Variants in MLF2 observed in about 807,000 individuals in gnomAD.
MLF2 encodes myeloid leukemia factor 2.
MLF2 carries 12 observed loss-of-function variants against 31.4 expected under a neutral mutation model. The observed-to-expected ratio is 0.38, with a 90% CI of 0.24 to 0.62. The LOEUF (loss-of-function observed/expected upper bound fraction) is 0.62, where lower values mean the gene tolerates loss of function less well. Ranked by LOEUF, MLF2 falls within the 20% of genes least tolerant of loss-of-function variation. MLF2 has a pLI of 0.58. For missense variants in MLF2, 272 were observed against 359.7 expected (o/e 0.76, Z 1.97); for synonymous variants, 109 against 118.8 (o/e 0.92, Z 0.54).
Position 6,749,821 on chromosome 12 carries a change from A to T in MLF2, c.559+27T>A. 1.9e-6 allele frequency: 3 copies of T among 1,612,182 alleles called. No individual in the cohort carries two copies. The highest frequency in any genetic ancestry group is 1.7e-6 in the Non-Finnish European group (2 of 1,179,236). Reference sequence around the variant, plus strand: ...CACGGGAACCGGGTTAGGGGCTGCCAGCCAGGAAGCGGGAGGGAAGGCTCA... The same window carrying T: ...CACGGGAACCGGGTTAGGGGCTGCCTGCCAGGAAGCGGGAGGGAAGGCTCA... On this transcript the variant is annotated intron_variant, in intron 7 of 8. Coordinates refer to ENST00000203630, the MANE Select transcript of MLF2 (RefSeq NM_001382226.1). The surrounding 1 kb of genome is among the most constrained non-coding windows in gnomAD (Gnocchi z 5.3).
Position 6,750,641 on chromosome 12 carries a change from C to T in MLF2, c.270+72G>A, listed in dbSNP as rs1592484370. 3.3e-6 allele frequency: 5 copies of T among 1,495,760 alleles called. No homozygotes were observed. Among genetic ancestry groups the T allele is most frequent in the East Asian group, 2.3e-5 (1 of 44,332 alleles). 92.7% of individuals were successfully genotyped at this position (1,495,760 alleles called of 1,614,324 possible). A position where few individuals can be genotyped will look rare whatever the true frequency, so the allele number is the denominator to read the frequency against. On this transcript the variant is annotated intron_variant, in intron 5 of 8. Coordinates refer to ENST00000203630, the MANE Select transcript of MLF2 (RefSeq NM_001382226.1). This position sits in a 1 kb window ranked among gnomAD's most constrained non-coding sequence, Gnocchi z 5.3. ...TCACTAGCATACTGTTTCCCTCTTGCCTTAGAGGATGCAAGGTGTTGTCAG... is the reference window on the plus strand; with the variant it reads ...TCACTAGCATACTGTTTCCCTCTTGTCTTAGAGGATGCAAGGTGTTGTCAG...
rs750197073 is a variant in MLF2 at position 6,749,723 on chromosome 12, C to CA, written c.559+124dup. On this transcript the variant is annotated intron_variant, in intron 7 of 8. Transcript: ENST00000203630. This position sits in a 1 kb window ranked among gnomAD's most constrained non-coding sequence, Gnocchi z 5.3. ...GGGCAACAAGAGCGAGACTCCATCT[C>CA]AAAAAAAAAAAAAAAGGAATATGGG... is the stretch of plus-strand genomic sequence containing the variant. 0.078 allele frequency: 82,653 copies of CA among 1,062,776 alleles called. 11 individuals are homozygous for CA. Among genetic ancestry groups the CA allele is most frequent in the Middle Eastern group, 0.091 (269 of 2,958 alleles). 65.8% of individuals were successfully genotyped at this position (1,062,776 alleles called of 1,614,324 possible).
In MLF2 at chr12:6,752,496, C is replaced by T. The variant is rs1050218242; in HGVS notation, c.-28-134G>A. Reference sequence around the variant, plus strand: ...CCTAAACTCCAGGGAGACCCTACTCCAGGTGTTCCACACAACCCTCTAGGG... The same window carrying T: ...CCTAAACTCCAGGGAGACCCTACTCTAGGTGTTCCACACAACCCTCTAGGG... On this transcript the variant is annotated intron_variant, in intron 1 of 8. Transcript: ENST00000203630. The surrounding 1 kb of genome is among the most constrained non-coding windows in gnomAD (Gnocchi z 4.6). 6 of 689,828 alleles carry T rather than the reference C, an allele frequency of 8.7e-6. No individual in the cohort carries two copies. Among genetic ancestry groups the T allele is most frequent in the Non-Finnish European group, 1.5e-5 (6 of 412,058 alleles). 42.7% of individuals were successfully genotyped at this position (689,828 alleles called of 1,614,324 possible). A position where few individuals can be genotyped will look rare whatever the true frequency, so the allele number is the denominator to read the frequency against.
In MLF2 at chr12:6,750,836, A is replaced by C; in HGVS notation, c.217-70T>G. 1 of 1,300,390 alleles carries C rather than the reference A, an allele frequency of 7.7e-7. No homozygotes were observed. Among genetic ancestry groups the C allele is most frequent in the Non-Finnish European group, 1.1e-6 (1 of 898,912 alleles). The allele number at this position is 1,300,390 out of a possible 1,614,324, so 80.6% of individuals were successfully genotyped here. On this transcript the variant is annotated intron_variant, in intron 4 of 8. Transcript: ENST00000203630. The surrounding 1 kb of genome is among the most constrained non-coding windows in gnomAD (Gnocchi z 5.3). ...TGTTCAGAGTTGATCCTGTTTAGGA[A>C]CCCACAACCCACATGGCTGCACATT...
rs1421375913 is a variant in MLF2 at position 6,749,297 on chromosome 12, C to A, written c.560-315G>T. Among the ~76,000 whole-genome samples the A allele has an allele frequency of 6.7e-6, 1 of 149,280 alleles. No homozygotes were observed. The highest frequency in any genetic ancestry group is 2.1e-4 in the South Asian group (1 of 4,808). On this transcript the variant is annotated intron_variant, in intron 7 of 8. Transcript: ENST00000203630. The surrounding 1 kb of genome is among the most constrained non-coding windows in gnomAD (Gnocchi z 5.3). Reference sequence around the variant, plus strand: ...ATAAAGAGGGGAGAAAGAAACGGATCAAGGTGGAGAAGGGTGTAACACTAT... The same window carrying A: ...ATAAAGAGGGGAGAAAGAAACGGATAAAGGTGGAGAAGGGTGTAACACTAT...
chr12:6,750,518 C>T lies in MLF2; in HGVS notation c.270+195G>A, dbSNP rs769308044. 72 of 881,070 alleles carry T rather than the reference C, an allele frequency of 8.2e-5. No homozygotes were observed. The highest frequency in any genetic ancestry group is 1.1e-4 in the Non-Finnish European group (66 of 575,282). The allele number at this position is 881,070 out of a possible 1,614,324, so 54.6% of individuals were successfully genotyped here. ...GAGACAGGGCCTTAATTGTATGCTACGTAAGAGAGCTGCTGCCGGCTGCTT... is the reference window on the plus strand; with the variant it reads ...GAGACAGGGCCTTAATTGTATGCTATGTAAGAGAGCTGCTGCCGGCTGCTT... On this transcript the variant is annotated intron_variant, in intron 5 of 8. Coordinates refer to ENST00000203630, the MANE Select transcript of MLF2 (RefSeq NM_001382226.1). This position sits in a 1 kb window ranked among gnomAD's most constrained non-coding sequence, Gnocchi z 5.3.
chr12:6,748,691 C>T lies in MLF2; in HGVS notation c.*25+79G>A, dbSNP rs1381250817. On this transcript the variant is annotated intron_variant, in intron 8 of 8. Coordinates refer to ENST00000203630, the MANE Select transcript of MLF2 (RefSeq NM_001382226.1). This position sits in a 1 kb window ranked among gnomAD's most constrained non-coding sequence, Gnocchi z 4.6. ...CTTGTACTACCAAAGGCAGCTCCTG[C>T]GGGAGCCTGAACTGAGCCTGCCTTG... 17 of 1,121,598 alleles carry T rather than the reference C, an allele frequency of 1.5e-5. No individual in the cohort carries two copies. Among genetic ancestry groups the T allele is most frequent in the Non-Finnish European group, 2.0e-5 (16 of 809,152 alleles). The allele number at this position is 1,121,598 out of a possible 1,614,324, so 69.5% of individuals were successfully genotyped here.
chr12:6,752,198 A>G lies in MLF2; in HGVS notation c.50+87T>C. 1 of 1,538,392 alleles carries G rather than the reference A, an allele frequency of 6.5e-7. No homozygotes were observed. Among genetic ancestry groups the G allele is most frequent in the South Asian group, 1.2e-5 (1 of 85,040 alleles). ...GGAGCTAGGTATCCAGCCAGTTCCA[A>G]CCATTCCTAGCAATGGGAACCCCGA... On this transcript the variant is annotated intron_variant, in intron 2 of 8. Coordinates refer to ENST00000203630, the MANE Select transcript of MLF2 (RefSeq NM_001382226.1). The surrounding 1 kb of genome is among the most constrained non-coding windows in gnomAD (Gnocchi z 4.6).
Position 6,753,070 on chromosome 12 carries a change from C to A in MLF2, c.-160G>T. 1 of 387,172 alleles carries A rather than the reference C, an allele frequency of 2.6e-6. No homozygotes were observed. Among genetic ancestry groups the A allele is most frequent in the Non-Finnish European group, 4.6e-6 (1 of 219,242 alleles). The allele number at this position is 387,172 out of a possible 1,614,324, so 24.0% of individuals were successfully genotyped here. A position where few individuals can be genotyped will look rare whatever the true frequency, so the allele number is the denominator to read the frequency against. ...TCCTCGGCCTTCCACGCCGCCTCCT[C>A]CCACAGCTGCCACCTCCGTACGGCC... On this transcript the variant is annotated 5_prime_UTR_variant, in exon 1 of 9. Coordinates refer to ENST00000203630, the MANE Select transcript of MLF2 (RefSeq NM_001382226.1).
At chr12:6,751,863 A>C (rs1941619907) in intron 3 of MLF2, 62 bp downstream of exon 3, 5 of 1,603,196 alleles carry the variant, frequency 3.1e-6, no homozygotes, top group Admixed American at 3.4e-5. Context: ...AAGAAAATTA[A>C]GTGCTTTCCT....
rs1941583309 is a variant in MLF2 at position 6,749,749 on chromosome 12, G to T, written c.559+99C>A. 9 of 1,465,798 alleles carry T rather than the reference G, an allele frequency of 6.1e-6. No individual in the cohort carries two copies. The highest frequency in any genetic ancestry group is 8.4e-6 in the Non-Finnish European group (9 of 1,074,268). 90.8% of individuals were successfully genotyped at this position (1,465,798 alleles called of 1,614,324 possible). ...AAAAAAAAAAAAAAAGGAATATGGGGCTGACCCAGAGCTTTGCCCCAGAAG... is the reference window on the plus strand; with the variant it reads ...AAAAAAAAAAAAAAAGGAATATGGGTCTGACCCAGAGCTTTGCCCCAGAAG... On this transcript the variant is annotated intron_variant, in intron 7 of 8. Transcript: ENST00000203630. The surrounding 1 kb of genome is among the most constrained non-coding windows in gnomAD (Gnocchi z 5.3).
In MLF2 at chr12:6,750,026, T is replaced by G; in HGVS notation, c.400-19A>C. 1 of 1,613,800 alleles carries G rather than the reference T, an allele frequency of 6.2e-7. No individual in the cohort carries two copies. Among genetic ancestry groups the G allele is most frequent in the Non-Finnish European group, 8.5e-7 (1 of 1,179,786 alleles). On this transcript the variant is annotated intron_variant, in intron 6 of 8. Transcript: ENST00000203630. The surrounding 1 kb of genome is among the most constrained non-coding windows in gnomAD (Gnocchi z 5.3). ...CCCGGATCTGGGATGAGGCAGAACG[T>G]GGCACACTCAGCCGCCCCTTCCAAA...
In MLF2 at chr12:6,748,251, C is replaced by A. The variant is rs1941555455; in HGVS notation, c.*322G>T. 6.6e-6 allele frequency: 1 copy of A among 152,642 alleles called. No homozygotes were observed. 9.5% of individuals were successfully genotyped at this position (152,642 alleles called of 1,614,324 possible). On this transcript the variant is annotated 3_prime_UTR_variant, in exon 9 of 9. Coordinates refer to ENST00000203630, the MANE Select transcript of MLF2 (RefSeq NM_001382226.1). The surrounding 1 kb of genome is among the most constrained non-coding windows in gnomAD (Gnocchi z 4.6). The stretch of plus-strand genomic sequence containing the variant: ...GGGGCCCCTAAACCCAGAGCTCACC[C>A]CAAAATGCATTGACCCTTCAATGCA...
rs149879992 is a variant in MLF2 at position 6,748,899 on chromosome 12, C to G, written c.643G>C (p.Glu215Gln). The G allele has an allele frequency of 7.4e-5, 118 of 1,601,052 alleles. No individual in the cohort carries two copies. Among genetic ancestry groups the G allele is most frequent in the Non-Finnish European group, 9.2e-5 (108 of 1,174,994 alleles). The change falls in exon 8 of 9, where the codon GAG (glutamate) becomes CAG (glutamine). Residue 215 changes from glutamate to glutamine, a missense_variant. Coordinates refer to ENST00000203630, the MANE Select transcript of MLF2 (RefSeq NM_001382226.1). This position sits in a 1 kb window ranked among gnomAD's most constrained non-coding sequence, Gnocchi z 4.6. ...CTTCGTCCCCCAGCCCCTGAGGACT[C>G]AAGCCGCCGAAACTCCAGGGGACGC... ...QQRPLEFRRL[E>Q]SSGAGGRRAE... is the part of the protein sequence containing the mutation.
chr12:6,748,531 A>T lies in MLF2; in HGVS notation c.*42T>A. The T allele has an allele frequency of 2.7e-6, 1 of 367,084 alleles. No homozygotes were observed. The highest frequency in any genetic ancestry group is 4.9e-6 in the Non-Finnish European group (1 of 205,472). 22.7% of individuals were successfully genotyped at this position (367,084 alleles called of 1,614,324 possible). ...AAAGTTATTCAGGGGATGATTTCTC[A>T]GCCTCTCAGCCTGTACCTGGAGGGG... On this transcript the variant is annotated 3_prime_UTR_variant, in exon 9 of 9. Transcript: ENST00000203630. This position sits in a 1 kb window ranked among gnomAD's most constrained non-coding sequence, Gnocchi z 4.6.
chr12:6,752,154 G>A lies in MLF2; in HGVS notation c.51-100C>T, dbSNP rs1005169741. 1.9e-6 allele frequency: 3 copies of A among 1,574,242 alleles called. No individual in the cohort carries two copies. The African/African-American group carries it at 4.1e-5, about 21-fold the overall frequency. On this transcript the variant is annotated intron_variant, in intron 2 of 8. Coordinates refer to ENST00000203630, the MANE Select transcript of MLF2 (RefSeq NM_001382226.1). This position sits in a 1 kb window ranked among gnomAD's most constrained non-coding sequence, Gnocchi z 4.6. Reference sequence around the variant, plus strand: ...CGCACAGAGCAACAGTGGCACCGATGCCTACTTCCTGCTAGGTAGGAGCTA... The same window carrying A: ...CGCACAGAGCAACAGTGGCACCGATACCTACTTCCTGCTAGGTAGGAGCTA...
intron 4 of MLF2, among the ~76,000 whole-genome samples, chr12:6,751,413 G>A (rs569643643): frequency 3.9e-5 from 6 of 152,000 alleles, no homozygotes; most frequent in Non-Finnish European, 4.4e-5. Context: ...GTCTGGTCTC[G>A]AACTTCTGAC....
At position 6,748,559 on chromosome 12, in the gene MLF2, AAG is replaced by A. The variant is rs1941560048; in HGVS notation, c.*26-14_*26-13del. On this transcript the variant is annotated splice_polypyrimidine_tract_variant and intron_variant, in intron 8 of 8. Transcript: ENST00000203630. The surrounding 1 kb of genome is among the most constrained non-coding windows in gnomAD (Gnocchi z 4.6). ...CTCTCAGCCTGTACCTGGAGGGGGA[AAG>A]AGAGAGGAGCACAAGTCAAAAGGAA... 2.4e-6 allele frequency: 1 copy of A among 416,840 alleles called. No homozygotes were observed. Among genetic ancestry groups the A allele is most frequent in the Non-Finnish European group, 4.2e-6 (1 of 236,350 alleles). 25.8% of individuals were successfully genotyped at this position (416,840 alleles called of 1,614,324 possible). A position where few individuals can be genotyped will look rare whatever the true frequency, so the allele number is the denominator to read the frequency against.
In MLF2 at chr12:6,748,660, T is replaced by C. The variant is rs2137777939; in HGVS notation, c.*25+110A>G. 3.7e-6 allele frequency: 3 copies of C among 812,146 alleles called. No individual in the cohort carries two copies. Among genetic ancestry groups the C allele is most frequent in the Admixed American group, 3.1e-5 (1 of 32,478 alleles). 50.3% of individuals were successfully genotyped at this position (812,146 alleles called of 1,614,324 possible). On this transcript the variant is annotated intron_variant, in intron 8 of 8. Transcript: ENST00000203630. This position sits in a 1 kb window ranked among gnomAD's most constrained non-coding sequence, Gnocchi z 4.6. ...CAGTGAGAACATTGTTCTCTTTCCA[T>C]GTCAACTTGTACTACCAAAGGCAGC...
Sources: gnomAD v4.1 joint callset for allele counts (sites outside exome capture counted in the v4.1 genomes callset) on GRCh38, gnomAD v4.1.1 for gene constraint, Gnocchi (gnomAD v3.1) non-coding constraint, MANE v1.5 for transcripts, NCBI Gene and HGNC (gene_info 2026-07-23, HGNC 2026-07-21) for gene names.